ANO3: variants seen among roughly 807,000 people sequenced by gnomAD.
ANO3 encodes the protein anoctamin 3.
A neutral mutation model predicts 144.8 loss-of-function variants in ANO3; 99 were observed. That is an observed-to-expected ratio of 0.68 (90% CI 0.58 to 0.81). The LOEUF (loss-of-function observed/expected upper bound fraction) is 0.81. Among genes scored for constraint, ANO3 ranks in the 30% least tolerant of loss-of-function variants. The probability of loss-of-function intolerance (pLI) is 0.00; values close to 1 mark genes in which losing one functional copy is unlikely to be tolerated. For synonymous variants in ANO3, 414 were observed against 392.6 expected (o/e 1.05, Z -0.64); for missense variants, 905 against 1,202.2 (o/e 0.75, Z 3.66).
chr11:26,363,017 G>A (rs545725228), intron 1 of ANO3, among the ~76,000 whole-genome samples: 29 of 152,180 alleles, frequency 1.9e-4, no homozygotes, highest in Non-Finnish European at 3.1e-4. Flanking sequence ...AGTGAGTGAT[G>A]AGATCTGTTA....
At chr11:26,468,196 C>T (rs1271864283) in intron 4 of ANO3, among the ~76,000 whole-genome samples, 1 of 151,926 alleles carries the variant, frequency 6.6e-6, no homozygotes, top group African/African-American at 2.4e-5. Flanking sequence ...GGTAAAGAAT[C>T]CATGGCATCC....
intron 1 of ANO3, among the ~76,000 whole-genome samples, chr11:26,272,403 A>G (rs1853459563): frequency 6.6e-6 from 1 of 152,222 alleles, no homozygotes; most frequent in Admixed American, 6.5e-5. Context: ...CCCAGCAGGC[A>G]TGACAACTTT....
Position 26,285,867 on chromosome 11 carries a change from T to G in ANO3, c.155-23778T>G, listed in dbSNP as rs1393141664. 2.0e-5 allele frequency: 3 copies of G among 152,204 alleles called. No homozygotes were observed. The East Asian group carries it at 5.8e-4, about 29-fold the overall frequency. 9.4% of individuals were successfully genotyped at this position (152,204 alleles called of 1,614,324 possible). A position where few individuals can be genotyped will look rare whatever the true frequency, so the allele number is the denominator to read the frequency against. Reference sequence around the variant, plus strand: ...TCATGCCATGGAAAGGTATGAATGATAAAGGCATCCCTCAAAGTGGAGTCC... The same window carrying G: ...TCATGCCATGGAAAGGTATGAATGAGAAAGGCATCCCTCAAAGTGGAGTCC... On this transcript the variant is annotated intron_variant, in intron 1 of 27. Transcript: ENST00000672621.
At chr11:26,460,867 TTAGA>T (rs1398031265) in intron 3 of ANO3, among the ~76,000 whole-genome samples, 1 of 152,020 alleles carries the variant, frequency 6.6e-6, no homozygotes, top group African/African-American at 2.4e-5. Flanking sequence ...AAATTCATAT[TTAGA>T]TAATTTTAGA....
At chr11:26,372,529 A>G (rs1230192421) in intron 1 of ANO3, among the ~76,000 whole-genome samples, 1 of 152,210 alleles carries the variant, frequency 6.6e-6, no homozygotes, top group African/African-American at 2.4e-5. Context: ...CACTGGATAA[A>G]TTTTCCTATT....
Position 26,476,922 on chromosome 11 carries a change from TGTGTGTGTGTGA to T in ANO3, c.432+13776_432+13787del, listed in dbSNP as rs1565048232. Among the ~76,000 whole-genome samples, 10 of 145,268 alleles carry T rather than the reference TGTGTGTGTGTGA, an allele frequency of 6.9e-5. 1 individual carries two copies. Among genetic ancestry groups the T allele is most frequent in the South Asian group, 4.5e-4 (2 of 4,492 alleles). The stretch of plus-strand genomic sequence containing the variant: ...GTGTGTATGTGTGTGTGTGTGTGTG[TGTGTGTGTGTGA>T]GAGAGAGAGAGAGAGAGACTTTTAA... On this transcript the variant is annotated intron_variant, in intron 4 of 26. Coordinates refer to ENST00000256737, the MANE Select transcript of ANO3 (RefSeq NM_031418.4).
intron 7 of ANO3, among the ~76,000 whole-genome samples, chr11:26,530,774 C>T (rs1015795091): frequency 6.6e-6 from 1 of 151,972 alleles, no homozygotes; most frequent in African/African-American, 2.4e-5. Context: ...GAGGCTGAGG[C>T]AGGAGAATCG....
At chr11:26,370,448 T>A (rs948682630) in intron 1 of ANO3, among the ~76,000 whole-genome samples, 3 of 152,028 alleles carry the variant, frequency 2.0e-5, no homozygotes, top group Non-Finnish European at 4.4e-5. Context: ...ATGAATACAG[T>A]AAATTGGTAC....
intron 1 of ANO3, among the ~76,000 whole-genome samples, chr11:26,269,661 C>T (rs1368262846): frequency 6.6e-6 from 1 of 152,182 alleles, no homozygotes; most frequent in African/African-American, 2.4e-5. Context: ...CTCTCTCAGT[C>T]ATCATCCGGT....
At chr11:26,293,759 AC>A (rs952177972) in intron 1 of ANO3, among the ~76,000 whole-genome samples, 12 of 151,768 alleles carry the variant, frequency 7.9e-5, no homozygotes, top group African/African-American at 2.7e-4. Context: ...AGGACATTAA[AC>A]TTTCTTGGGC....
chr11:26,493,881 T>G (rs554249533), intron 4 of ANO3, among the ~76,000 whole-genome samples: 96 of 152,304 alleles, frequency 6.3e-4, no homozygotes, highest in African/African-American at 2.2e-3. Context: ...CCGTGAAAAC[T>G]CTAAATACCT....
intron 1 of ANO3, among the ~76,000 whole-genome samples, chr11:26,300,006 GTCT>G (rs1170640558): frequency 1.3e-5 from 2 of 152,170 alleles, no homozygotes; most frequent in Non-Finnish European, 2.9e-5. Context: ...GTATGAAGTA[GTCT>G]TCTAGGAGAG....
chr11:26,399,651 G>T (rs571013374), intron 1 of ANO3, among the ~76,000 whole-genome samples: 1 of 151,894 alleles, frequency 6.6e-6, no homozygotes, highest in East Asian at 1.9e-4. Flanking sequence ...GAGAATGTTG[G>T]TTCACTTTTT....
At chr11:26,276,464 T>C (rs1181927816) in intron 1 of ANO3, among the ~76,000 whole-genome samples, 1 of 152,116 alleles carries the variant, frequency 6.6e-6, no homozygotes, top group African/African-American at 2.4e-5. Context: ...ACACCAACAC[T>C]TTAAGTGAAA....
intron 1 of ANO3, among the ~76,000 whole-genome samples, chr11:26,209,867 C>A (rs1590194692): frequency 6.6e-6 from 1 of 151,936 alleles, no homozygotes; most frequent in East Asian, 1.9e-4. Context: ...TGTTTAAGTT[C>A]TTTGTAGATT....
At chr11:26,212,927 T>C (rs1460810668) in intron 1 of ANO3, among the ~76,000 whole-genome samples, 2 of 152,048 alleles carry the variant, frequency 1.3e-5, no homozygotes, top group African/African-American at 2.4e-5. Flanking sequence ...AAAAAGCTCA[T>C]CCACCATGAT....
chr11:26,233,951 G>A (rs1371292384), intron 1 of ANO3, among the ~76,000 whole-genome samples: 2 of 151,894 alleles, frequency 1.3e-5, no homozygotes, highest in Non-Finnish European at 2.9e-5. Context: ...AGTAGGTAGG[G>A]GGCAAGGGGA....
intron 17 of ANO3, among the ~76,000 whole-genome samples, chr11:26,620,611 A>G (rs1441988702): frequency 6.6e-6 from 1 of 152,120 alleles, no homozygotes; most frequent in East Asian, 1.9e-4. Context: ...GCACTCTAAC[A>G]AAAAAAGAAA....
At chr11:26,296,376 C>G (rs59690713) in intron 1 of ANO3, among the ~76,000 whole-genome samples, 13,141 of 151,794 alleles carry the variant, frequency 0.087, 1,200 homozygotes, top group African/African-American at 0.23. Flanking sequence ...AATTGACCCT[C>G]TCTTCCATGC....
Sources: allele counts gnomAD v4.1 joint callset (sites outside exome capture counted in the v4.1 genomes callset), GRCh38; gene constraint gnomAD v4.1.1; transcripts MANE v1.5; gene names NCBI Gene and HGNC (gene_info 2026-07-23, HGNC 2026-07-21).